The following CYP2C18 variants were observed in gnomAD, a reference collection of about 807,000 sequenced individuals.
CYP2C18 encodes cytochrome P450 2C18.
In CYP2C18, 38 loss-of-function variants were observed where a neutral mutation model predicts 41.3. That is an observed-to-expected ratio of 0.92 (90% CI 0.71 to 1.21). The LOEUF (loss-of-function observed/expected upper bound fraction) is 1.21. Ranked by LOEUF, CYP2C18 falls within the 50% of genes most tolerant of loss-of-function variation. The probability of loss-of-function intolerance (pLI) is 0.00; values close to 1 mark genes in which losing one functional copy is unlikely to be tolerated. For synonymous variants in CYP2C18, 236 were observed against 210.0 expected (o/e 1.12, Z -1.07); for missense variants, 635 against 591.4 (o/e 1.07, Z -0.77).
At position 94,688,163 on chromosome 10, in the gene CYP2C18, C is replaced by T. The variant is rs117111102; in HGVS notation, c.370C>T (p.Arg124Trp). The T allele has an allele frequency of 0.013, 20,734 of 1,613,594 alleles. 179 individuals carry two copies. The highest frequency in any genetic ancestry group is 0.016 in the Non-Finnish European group (18,303 of 1,179,768). Residue 124 changes from arginine (R) to tryptophan (W), a missense_variant, in exon 3 of 9, where the codon CGG becomes TGG. Arg to Trp is a moderately radical substitution (Grantham distance 101). Transcript: ENST00000285979. Reference sequence around the variant, plus strand: ...CAATGGAAAGAGATGGAAGGAGATCCGGCGTTTCTGCCTCATGACTCTGCG... The same window carrying T: ...CAATGGAAAGAGATGGAAGGAGATCTGGCGTTTCTGCCTCATGACTCTGCG... ...FSNGKRWKEI[R>W]RFCLMTLRNF...
intron 4 of CYP2C18, among the ~76,000 whole-genome samples, chr10:94,701,351 C>T (rs1278538254): frequency 2.6e-5 from 4 of 152,076 alleles, no homozygotes; most frequent in African/African-American, 7.2e-5. Context: ...CCATAATTCT[C>T]AGCAAACTAT....
chr10:94,716,104 A>G (rs190218991), intron 5 of CYP2C18, among the ~76,000 whole-genome samples: 193 of 152,064 alleles, frequency 1.3e-3, no homozygotes, highest in African/African-American at 4.5e-3. Flanking sequence ...CTAGTGGTCT[A>G]TCAATTTTGT....
In CYP2C18 at chr10:94,720,486, A is replaced by T. The variant is rs772228761; in HGVS notation, c.910A>T (p.Thr304Ser). The change falls in exon 6 of 9, where the codon ACC becomes TCC. Residue 304 changes from threonine (T) to serine (S), a missense_variant. Thr to Ser is a moderately conservative substitution (Grantham distance 58). Coordinates refer to ENST00000285979, the MANE Select transcript of CYP2C18 (RefSeq NM_000772.3). Reference sequence around the variant, plus strand: ...TGGGGCTGGAACAGAGACAACGAGCACCACTCTGAGATATGGACTCCTGCT... The same window carrying T: ...TGGGGCTGGAACAGAGACAACGAGCTCCACTCTGAGATATGGACTCCTGCT... ...MFGAGTETTS[T>S]TLRYGLLLLL... 3 of 1,613,388 alleles carry T rather than the reference A, an allele frequency of 1.9e-6. No homozygotes were observed. The highest frequency in any genetic ancestry group is 8.5e-7 in the Non-Finnish European group (1 of 1,179,594).
intron 7 of CYP2C18, among the ~76,000 whole-genome samples, 176 bp downstream of exon 7, chr10:94,724,709 C>T (rs1408168377): frequency 6.6e-6 from 1 of 152,036 alleles, no homozygotes; most frequent in African/African-American, 2.4e-5. Flanking sequence ...TATAACAGGT[C>T]TCAGTATCTA....
intron 4 of CYP2C18, 146 bp from the exon 5 acceptor site, chr10:94,706,638 G>T: frequency 1.9e-6 from 1 of 528,978 alleles, no homozygotes; most frequent in East Asian, 3.1e-5. Flanking sequence ...CAGTATAGAG[G>T]ACTACTTTGT....
intron 1 of CYP2C18, among the ~76,000 whole-genome samples, chr10:94,685,947 T>C (rs1846879887): frequency 1.3e-5 from 2 of 152,148 alleles, no homozygotes; most frequent in Non-Finnish European, 1.5e-5. Flanking sequence ...AAAATTTTGA[T>C]AGGGATTGCA....
At chr10:94,720,287 C>CA in intron 5 of CYP2C18, 109 bp from the exon 6 acceptor site, 1 of 930,276 alleles carries the variant, frequency 1.1e-6, no homozygotes, top group Non-Finnish European at 1.6e-6. Flanking sequence ...GCACTCTGTA[C>CA]AGTTTCCAAA....
chr10:94,697,623 C>T (rs1847144009), intron 4 of CYP2C18, among the ~76,000 whole-genome samples: 1 of 152,162 alleles, frequency 6.6e-6, no homozygotes, highest in South Asian at 2.1e-4. Flanking sequence ...CAAATTCACA[C>T]ATAACAATAT....
rs1847104607 is a variant in CYP2C18 at position 94,695,743 on chromosome 10, G to T, written c.642+666G>T. On this transcript the variant is annotated intron_variant, in intron 4 of 8. Coordinates refer to ENST00000285979, the MANE Select transcript of CYP2C18 (RefSeq NM_000772.3). ...AATTCCCTTTCCTAGTCAAAGAAAG[G>T]GGTGACAGATGGCACCTGGAAAATC... Among the ~76,000 whole-genome samples the T allele has an allele frequency of 2.0e-5, 3 of 152,088 alleles. 1 individual carries two copies. In the South Asian group the frequency reaches 6.2e-4, roughly 32 times the overall value.
intron 5 of CYP2C18, among the ~76,000 whole-genome samples, chr10:94,714,855 G>T (rs914504730): frequency 1.3e-5 from 2 of 152,078 alleles, no homozygotes; most frequent in African/African-American, 4.8e-5. Flanking sequence ...TTATTTCATT[G>T]AGCAGTGGTT....
rs1260474232 is a variant in CYP2C18, at chr10:94,716,637, C to T, written c.820-3759C>T. Reference sequence around the variant, plus strand: ...GTTTTGGAATACGTGCGATATGGTGCTGAGAAGAATGTAAATTCTGTTGAT... The same window carrying T: ...GTTTTGGAATACGTGCGATATGGTGTTGAGAAGAATGTAAATTCTGTTGAT... On this transcript the variant is annotated intron_variant, in intron 5 of 8. Transcript: ENST00000285979. 7.2e-5 allele frequency among the ~76,000 whole-genome samples: 11 copies of T among 152,232 alleles called. No individual in the cohort carries two copies. The East Asian group carries it at 2.1e-3, about 29-fold the overall frequency.
At position 94,735,362 on chromosome 10, in the gene CYP2C18, C is replaced by T; in HGVS notation, c.1391C>T (p.Pro464Leu). 1 of 1,613,756 alleles carries T rather than the reference C, an allele frequency of 6.2e-7. No homozygotes were observed. Among genetic ancestry groups the T allele is most frequent in the South Asian group, 1.1e-5 (1 of 91,074 alleles). ...TTTAACCTGAAATCTCAGGTTGACC[C>T]AAAGGATATTGACATCACCCCCATT... ...QNFNLKSQVD[P>L]KDIDITPIAN... The change falls in exon 9 of 9, where the codon CCA becomes CTA. Residue 464 changes from proline (P) to leucine (L), a missense_variant. Transcript: ENST00000285979.
intron 5 of CYP2C18, among the ~76,000 whole-genome samples, chr10:94,709,561 C>T (rs1053276269): frequency 1.3e-4 from 20 of 152,284 alleles, no homozygotes; most frequent in African/African-American, 4.6e-4. Flanking sequence ...GTGTCTTTCA[C>T]TTTCTTAACA....
chr10:94,691,435 A>C (rs1846996962), intron 3 of CYP2C18, among the ~76,000 whole-genome samples: 1 of 152,196 alleles, frequency 6.6e-6, no homozygotes, highest in African/African-American at 2.4e-5. Flanking sequence ...TGCTTCAAAG[A>C]GAATAAAATA....
rs750182608 is a variant in CYP2C18, at chr10:94,733,334, A to C, written c.1187A>C (p.His396Pro). The C allele has an allele frequency of 1.2e-6, 2 of 1,613,380 alleles. No individual in the cohort carries two copies. The highest frequency in any genetic ancestry group is 1.3e-5 in the African/African-American group (1 of 74,990). The change falls in exon 8 of 9, where the codon CAC becomes CCC. Residue 396 changes from histidine (H) to proline (P), a missense_variant. By Grantham distance (77) the His-to-Pro change is moderately conservative. Transcript: ENST00000285979. ...ATAACATCCCTGACTTCTGTGCTGC[A>C]CAATGACAAAGAATTCCCCAACCCA... ...TIITSLTSVL[H>P]NDKEFPNPEM...
chr10:94,719,365 C>A (rs1430494148), intron 5 of CYP2C18, among the ~76,000 whole-genome samples: 3 of 151,890 alleles, frequency 2.0e-5, no homozygotes, highest in Non-Finnish European at 4.4e-5. Context: ...TAGGTGCCTG[C>A]CATTTTTGAT....
At chr10:94,692,967 A>C (rs1423400844) in intron 3 of CYP2C18, among the ~76,000 whole-genome samples, 1 of 152,012 alleles carries the variant, frequency 6.6e-6, no homozygotes, top group African/African-American at 2.4e-5. Flanking sequence ...GAACAATGAG[A>C]ACACATGGAC....
chr10:94,704,161 A>T (rs1847294847), intron 4 of CYP2C18, among the ~76,000 whole-genome samples: 1 of 152,038 alleles, frequency 6.6e-6, no homozygotes, highest in Non-Finnish European at 1.5e-5. Flanking sequence ...CACAGACTGG[A>T]GCTGTTCTTA....
intron 3 of CYP2C18, 67 bp from the exon 4 acceptor site, chr10:94,694,850 T>G: frequency 6.6e-7 from 1 of 1,525,210 alleles, no homozygotes; most frequent in South Asian, 1.2e-5. Flanking sequence ...TACTTTTTCC[T>G]GTATCAAAGA....
Sources: allele counts gnomAD v4.1 joint callset (sites outside exome capture counted in the v4.1 genomes callset), GRCh38; gene constraint gnomAD v4.1.1; transcripts MANE v1.5; gene names NCBI Gene and HGNC (gene_info 2026-07-23, HGNC 2026-07-21).